Variants in MTUS1 observed in about 807,000 individuals in gnomAD.
The protein encoded by MTUS1 is microtubule associated scaffold protein 1, also known as microtubule-associated tumor suppressor 1.
In MTUS1, 109 loss-of-function variants were observed where a neutral mutation model predicts 120.8. The ratio of observed to expected loss-of-function variants is 0.90; its 90% CI spans 0.77 to 1.06. The LOEUF (loss-of-function observed/expected upper bound fraction) is 1.06, where lower values mean the gene tolerates loss of function less well. Ranked by LOEUF, MTUS1 falls within the 50% of genes least tolerant of loss-of-function variation. MTUS1 has a pLI of 0.00. For missense variants in MTUS1, 2,210 were observed against 1,486.3 expected (o/e 1.49, Z -8.01); for synonymous variants, 737 against 550.5 (o/e 1.34, Z -4.74).
chr8:17,742,998 C>T lies in MTUS1; in HGVS notation c.2287+606G>A, dbSNP rs147615694. ...CCCCGTGACACAGGGATGACTTTTCCATTTCTTTGTAACACAGATCTGTAC... is the reference window on the plus strand; with the variant it reads ...CCCCGTGACACAGGGATGACTTTTCTATTTCTTTGTAACACAGATCTGTAC... On this transcript the variant is annotated intron_variant, in intron 3 of 14. Transcript: ENST00000693296. 1.3e-4 allele frequency among the ~76,000 whole-genome samples: 19 copies of T among 151,718 alleles called. No homozygotes were observed. The East Asian group carries it at 3.7e-3, about 29-fold the overall frequency.
At chr8:17,750,520 T>G (rs547135973) in intron 2 of MTUS1, among the ~76,000 whole-genome samples, 49 of 152,340 alleles carry the variant, frequency 3.2e-4, no homozygotes, top group African/African-American at 1.1e-3. Context: ...GTATGGTGTA[T>G]GGAGCAGAAA....
At chr8:17,760,512 G>C (rs1032937203) in intron 1 of MTUS1, among the ~76,000 whole-genome samples, 4 of 152,088 alleles carry the variant, frequency 2.6e-5, no homozygotes, top group Non-Finnish European at 4.4e-5. Flanking sequence ...ACAAAGCCAA[G>C]GACAGAAAAG....
intron 1 of MTUS1, among the ~76,000 whole-genome samples, chr8:17,778,507 T>C (rs891707191): frequency 1.3e-5 from 2 of 152,206 alleles, no homozygotes; most frequent in African/African-American, 4.8e-5. Flanking sequence ...ATGTAAATTA[T>C]ACCTCAATAA....
chr8:17,699,090 G>C (rs1308211557), intron 6 of MTUS1, among the ~76,000 whole-genome samples: 2 of 152,070 alleles, frequency 1.3e-5, no homozygotes, highest in African/African-American at 4.8e-5. Context: ...GAAGAACAGA[G>C]TCAAATTTTG....
At chr8:17,785,368 C>A (rs1012621703) in intron 1 of MTUS1, among the ~76,000 whole-genome samples, 1 of 152,178 alleles carries the variant, frequency 6.6e-6, no homozygotes, top group African/African-American at 2.4e-5. Flanking sequence ...GAAGATAAAG[C>A]TTGAGCTGAG....
intron 1 of MTUS1, among the ~76,000 whole-genome samples, chr8:17,787,020 C>T (rs1289780357): frequency 1.3e-5 from 2 of 152,214 alleles, no homozygotes; most frequent in Non-Finnish European, 2.9e-5. Flanking sequence ...TGGAGTGAGG[C>T]TGACCTCATT....
At chr8:17,749,136 G>T (rs143410135) in intron 2 of MTUS1, among the ~76,000 whole-genome samples, 122 of 152,214 alleles carry the variant, frequency 8.0e-4, no homozygotes, top group African/African-American at 2.8e-3. Flanking sequence ...CCGAAGGGTT[G>T]GAATTCAGGC....
At chr8:17,685,775 G>A (rs1815660496) in intron 6 of MTUS1, among the ~76,000 whole-genome samples, 2 of 152,132 alleles carry the variant, frequency 1.3e-5, no homozygotes, top group African/African-American at 2.4e-5. Context: ...ATAATTCTCA[G>A]TTCTAAAATC....
At chr8:17,722,361 T>C (rs1424561590) in intron 4 of MTUS1, 2 of 976,080 alleles carry the variant, frequency 2.0e-6, no homozygotes, top group Non-Finnish European at 2.4e-6. Context: ...TTTTGGCAGT[T>C]TGTCTTTAAA....
chr8:17,740,258 A>C (rs1253073065), intron 3 of MTUS1, among the ~76,000 whole-genome samples: 3 of 152,190 alleles, frequency 2.0e-5, no homozygotes, highest in Non-Finnish European at 4.4e-5. Context: ...TGTTGGGTTT[A>C]ATTACAATTC....
chr8:17,679,259 T>C (rs1813767903), intron 7 of MTUS1, among the ~76,000 whole-genome samples: 1 of 151,790 alleles, frequency 6.6e-6, no homozygotes, highest in South Asian at 2.1e-4. Context: ...AGACATACAA[T>C]GTATAGGTAT....
intron 8 of MTUS1, among the ~76,000 whole-genome samples, chr8:17,674,197 G>A (rs1812595315): frequency 6.6e-6 from 1 of 152,002 alleles, no homozygotes; most frequent in African/African-American, 2.4e-5. Context: ...CAGTACTTTG[G>A]GAGGCCAAGG....
intron 6 of MTUS1, among the ~76,000 whole-genome samples, chr8:17,693,940 G>A (rs1817461692): frequency 6.6e-6 from 1 of 152,190 alleles, no homozygotes; most frequent in Admixed American, 6.5e-5. Context: ...AGAAGCAAGG[G>A]AAAGGCTGGA....
In MTUS1 at chr8:17,649,876, C is replaced by T; in HGVS notation, c.3471G>A (p.Gln1157=). The change falls in exon 13 of 15, where the codon CAG becomes CAA. Residue 1157 remains glutamine, a synonymous_variant. Transcript: ENST00000693296. ...LEIKNEKLHQ[Q]DIKLMKMEKL... ...TCTCCATTTTCATTAACTTGATGTC[C>T]TGTTGATGCAGTTTCTCATTCTTGA... is the stretch of plus-strand genomic sequence containing the variant. 6.2e-7 allele frequency: 1 copy of T among 1,601,958 alleles called. No individual in the cohort carries two copies.
chr8:17,799,856 GT>G (rs1176816015), intron 1 of MTUS1, among the ~76,000 whole-genome samples: 1 of 151,540 alleles, frequency 6.6e-6, no homozygotes, highest in African/African-American at 2.4e-5. Flanking sequence ...CACTTCTAAG[GT>G]TTTTTAGCTT....
chr8:17,648,623 T>C (rs1215440908), intron 13 of MTUS1, among the ~76,000 whole-genome samples: 1 of 152,202 alleles, frequency 6.6e-6, no homozygotes, highest in African/African-American at 2.4e-5. Context: ...TTCCTGATAA[T>C]TCAAAATGCT....
At chr8:17,790,527 G>C (rs1350016899) in intron 1 of MTUS1, among the ~76,000 whole-genome samples, 1 of 152,074 alleles carries the variant, frequency 6.6e-6, no homozygotes, top group East Asian at 1.9e-4. Flanking sequence ...TCCTATGTAA[G>C]TGGAATTCAT....
chr8:17,792,873 G>C (rs532786197), intron 1 of MTUS1, among the ~76,000 whole-genome samples: 1 of 152,164 alleles, frequency 6.6e-6, no homozygotes, highest in African/African-American at 2.4e-5. Context: ...AAAAAAATCT[G>C]AAAGCAAAAC....
chr8:17,785,825 G>C (rs1160928307), intron 1 of MTUS1, among the ~76,000 whole-genome samples: 1 of 152,136 alleles, frequency 6.6e-6, no homozygotes, highest in Admixed American at 6.5e-5. Flanking sequence ...TACACCAAGG[G>C]AAGTACTGAG....
Sources: gnomAD v4.1 joint callset for allele counts (sites outside exome capture counted in the v4.1 genomes callset) on GRCh38, gnomAD v4.1.1 for gene constraint, MANE v1.5 for transcripts, NCBI Gene and HGNC (gene_info 2026-07-23, HGNC 2026-07-21) for gene names.